Variants in EIF4E2 observed in about 807,000 individuals in gnomAD.
EIF4E2 encodes eukaryotic translation initiation factor 4E family member 2, also known as eukaryotic translation initiation factor 4E type 2.
EIF4E2 carries 13 observed loss-of-function variants against 34.2 expected under a neutral mutation model. That is an observed-to-expected ratio of 0.38 (90% CI 0.25 to 0.60). The LOEUF (loss-of-function observed/expected upper bound fraction) is 0.60, where lower values mean the gene tolerates loss of function less well. EIF4E2 is among the 20% of genes least tolerant of loss of function. EIF4E2 has a pLI of 0.62. For synonymous variants in EIF4E2, 100 were observed against 106.6 expected (o/e 0.94, Z 0.38); for missense variants, 222 against 315.1 (o/e 0.70, Z 2.24).
At chr2:232,574,804 G>GT (rs962975978) in intron 6 of EIF4E2, among the ~76,000 whole-genome samples, 29 of 152,274 alleles carry the variant, frequency 1.9e-4, no homozygotes, top group African/African-American at 6.7e-4. Flanking sequence ...TAAATTCAGC[G>GT]TTTCAGCAAT....
At chr2:232,557,716 C>A in intron 2 of EIF4E2, 168 bp from the exon 3 acceptor site, 1 of 750,982 alleles carries the variant, frequency 1.3e-6, no homozygotes, top group Non-Finnish European at 2.2e-6. Context: ...CAGTTAACCA[C>A]TGAGGAAATG....
intron 4 of EIF4E2, among the ~76,000 whole-genome samples, chr2:232,565,693 C>T (rs796067435): frequency 2.6e-5 from 4 of 152,218 alleles, no homozygotes; most frequent in African/African-American, 9.6e-5. Flanking sequence ...TCTTGTTCTT[C>T]CTTAACATAG....
chr2:232,579,344 G>A (rs1359347466), intron 6 of EIF4E2, among the ~76,000 whole-genome samples: 2 of 152,186 alleles, frequency 1.3e-5, no homozygotes, highest in East Asian at 3.8e-4. Context: ...CTCTTTAGTT[G>A]AAGATAGTTG....
chr2:232,578,613 C>T (rs1693274311), intron 6 of EIF4E2, among the ~76,000 whole-genome samples: 1 of 149,936 alleles, frequency 6.7e-6, no homozygotes, highest in African/African-American at 2.5e-5. Context: ...CCTGGTGACA[C>T]TCCATCTCAA....
intron 6 of EIF4E2, among the ~76,000 whole-genome samples, chr2:232,577,680 G>A (rs1362317100): frequency 2.0e-5 from 3 of 152,184 alleles, no homozygotes; most frequent in East Asian, 1.9e-4. Context: ...TGGGGCTCTC[G>A]GATATTTCTG....
intron 5 of EIF4E2, 26 bp from the exon 6 acceptor site, chr2:232,567,051 TG>T: frequency 6.2e-7 from 1 of 1,608,610 alleles, no homozygotes; most frequent in Non-Finnish European, 8.5e-7. Flanking sequence ...TGATTTGCTT[TG>T]ATGATTCCTT....
chr2:232,562,500 C>A (rs546249387), intron 3 of EIF4E2, among the ~76,000 whole-genome samples: 317 of 152,194 alleles, frequency 2.1e-3, no homozygotes, highest in Non-Finnish European at 3.2e-3. Flanking sequence ...GCAGGAGAAT[C>A]ACTTGAACCC....
intron 6 of EIF4E2, chr2:232,574,321 C>T: frequency 4.5e-6 from 7 of 1,550,572 alleles, no homozygotes; most frequent in Non-Finnish European, 6.1e-6. Flanking sequence ...GGACGCTCCC[C>T]CTCTGTCTCT....
At chr2:232,554,062 C>T (rs888177301) in intron 1 of EIF4E2, among the ~76,000 whole-genome samples, 1 of 152,186 alleles carries the variant, frequency 6.6e-6, no homozygotes, top group East Asian at 1.9e-4. Flanking sequence ...TTGTCCTGGG[C>T]CTAAGCAGAA....
downstream of EIF4E2, chr2:232,573,619 A>C (rs892985498): frequency 6.1e-6 from 1 of 164,182 alleles, no homozygotes. Context: ...AGTCAGCATG[A>C]AAATTGTAAT....
At chr2:232,551,604 G>A (rs1046714307) in intron 1 of EIF4E2, among the ~76,000 whole-genome samples, 1 of 152,174 alleles carries the variant, frequency 6.6e-6, no homozygotes, top group Non-Finnish European at 1.5e-5. Context: ...CTAAGCCATT[G>A]TTGCTCAAAC....
At chr2:232,567,874 T>C in intron 6 of EIF4E2, 1 of 985,444 alleles carries the variant, frequency 1.0e-6, no homozygotes, top group Non-Finnish European at 1.2e-6. Flanking sequence ...CTCAGGCTAT[T>C]GTGAAAAAGT....
chr2:232,562,772 G>C (rs1692767257), intron 3 of EIF4E2, among the ~76,000 whole-genome samples: 1 of 152,198 alleles, frequency 6.6e-6, no homozygotes, highest in East Asian at 1.9e-4. Flanking sequence ...GTGGGTATAT[G>C]TGGTTTTATT....
At chr2:232,550,928 C>T (rs1298916198) in intron 1 of EIF4E2, 184 bp downstream of exon 1, 2 of 671,432 alleles carry the variant, frequency 3.0e-6, no homozygotes, top group Admixed American at 3.0e-5. Flanking sequence ...ACCGGAGTCC[C>T]GGAGACCCCA....
rs573720784 is a variant in EIF4E2 at position 232,575,467 on chromosome 2, T to TTAA, written c.666-5437_666-5436insTAA. On this transcript the variant is annotated intron_variant, in intron 6 of 6. Coordinates refer to the EIF4E2 transcript ENST00000409098. ...ATTTAAAATGATTCTCTTTAAGATA[T>TTAA]AGTCAACATTAGTGCCTGGTATCAT... Among the ~76,000 whole-genome samples the TTAA allele has an allele frequency of 3.6e-3, 550 of 152,382 alleles. 2 individuals are homozygous for TTAA. The highest frequency in any genetic ancestry group is 0.013 in the African/African-American group (538 of 41,592).
intron 3 of EIF4E2, among the ~76,000 whole-genome samples, chr2:232,560,155 A>T (rs1380103628): frequency 1.3e-5 from 2 of 152,226 alleles, no homozygotes; most frequent in Non-Finnish European, 2.9e-5. Context: ...ACCTTCCTCC[A>T]TACCTTCCCC....
chr2:232,575,171 G>GTA (rs1226995225), intron 6 of EIF4E2, among the ~76,000 whole-genome samples: 1 of 152,212 alleles, frequency 6.6e-6, no homozygotes, highest in African/African-American at 2.4e-5. Flanking sequence ...GTCAACTGTA[G>GTA]TAGCTACCTC....
At chr2:232,573,755 T>TGGC, downstream of EIF4E2, 1 of 277,750 alleles carries the variant, frequency 3.6e-6, no homozygotes, top group Non-Finnish European at 7.2e-6. Context: ...GGTTAGAAGG[T>TGGC]CGGAAATATG....
chr2:232,567,580 A>C, intron 6 of EIF4E2: 1 of 1,192,700 alleles, frequency 8.4e-7, no homozygotes, highest in Non-Finnish European at 1.0e-6. Context: ...GCCCACCCTC[A>C]CCCCACTTCT....
Sources: gnomAD v4.1 joint callset for allele counts (sites outside exome capture counted in the v4.1 genomes callset) on GRCh38, gnomAD v4.1.1 for gene constraint, MANE v1.5 for transcripts, NCBI Gene and HGNC (gene_info 2026-07-23, HGNC 2026-07-21) for gene names.